STAP1: variants seen among roughly 807,000 people sequenced by gnomAD.
STAP1 encodes the protein signal-transducing adaptor protein 1.
A neutral mutation model predicts 37.8 loss-of-function variants in STAP1; 30 were observed. The observed-to-expected ratio is 0.79, with a 90% CI of 0.59 to 1.08. The LOEUF is 1.08. Among genes scored for constraint, STAP1 ranks in the 50% least tolerant of loss-of-function variants. STAP1 has a pLI of 0.00. For synonymous variants in STAP1, 130 were observed against 116.0 expected (o/e 1.12, Z -0.78); for missense variants, 357 against 349.4 (o/e 1.02, Z -0.17).
chr4:67,588,039 T>TA (rs3032636), intron 6 of STAP1, among the ~76,000 whole-genome samples: 10,150 of 85,434 alleles, frequency 0.12, 1,469 homozygotes, highest in East Asian at 0.41. Context: ...CACATTTTCT[T>TA]AAAAAAAAAA....
intron 1 of STAP1, among the ~76,000 whole-genome samples, chr4:67,559,699 G>A (rs1322624079): frequency 6.6e-6 from 1 of 151,962 alleles, no homozygotes; most frequent in Non-Finnish European, 1.5e-5. Context: ...AAATCATTAA[G>A]TTAGGTCAAA....
chr4:67,602,691 TC>T (rs912757108), intron 8 of STAP1, among the ~76,000 whole-genome samples: 2 of 152,014 alleles, frequency 1.3e-5, no homozygotes, highest in African/African-American at 4.8e-5. Context: ...TCCCTTACTT[TC>T]CCCCCAACAA....
At chr4:67,587,071 T>G (rs1728001294) in intron 6 of STAP1, among the ~76,000 whole-genome samples, 1 of 152,206 alleles carries the variant, frequency 6.6e-6, no homozygotes, top group Admixed American at 6.5e-5. Flanking sequence ...TGTTTCAGAG[T>G]ACCTGAATTT....
chr4:67,571,899 A>G (rs1490974620), intron 2 of STAP1, among the ~76,000 whole-genome samples: 1 of 152,224 alleles, frequency 6.6e-6, no homozygotes, highest in Admixed American at 6.5e-5. Context: ...GTAATGTAGA[A>G]TGTTTTCAAA....
chr4:67,568,686 G>C (rs1239979102), intron 1 of STAP1, among the ~76,000 whole-genome samples: 1 of 151,936 alleles, frequency 6.6e-6, no homozygotes, highest in Non-Finnish European at 1.5e-5. Context: ...CAGCTTTGAT[G>C]GTGTTCAATT....
At position 67,558,731 on chromosome 4, in the gene STAP1, A is replaced by C. The variant is rs1727265738; in HGVS notation, c.-79A>C. 1 of 1,551,970 alleles carries C rather than the reference A, an allele frequency of 6.4e-7. No individual in the cohort carries two copies. The highest frequency in any genetic ancestry group is 1.2e-5 in the South Asian group (1 of 81,796). ...GCAATTTGGGACTTCCTCTTTGAACAGTTGCCTTTTCCTCTCACAGAAGGA... is the reference window on the plus strand; with the variant it reads ...GCAATTTGGGACTTCCTCTTTGAACCGTTGCCTTTTCCTCTCACAGAAGGA... On this transcript the variant is annotated 5_prime_UTR_variant, in exon 1 of 9. Coordinates refer to ENST00000265404, the MANE Select transcript of STAP1 (RefSeq NM_012108.4).
rs1348804829 is a variant in STAP1 at position 67,577,226 on chromosome 4, A to C, written c.330A>C (p.Glu110Asp). ...AGACAGAGAACACAGAAAGTGGGGAAGAATGGAGAGGCTTCATTCTTACAG... is the reference window on the plus strand; with the variant it reads ...AGACAGAGAACACAGAAAGTGGGGACGAATGGAGAGGCTTCATTCTTACAG... ...QLKTENTESG[E>D]EWRGFILTVT... The change falls in exon 4 of 9, where the codon GAA becomes GAC. Residue 110 changes from glutamate (E) to aspartate (D), a missense_variant. Physicochemically the swap from Glu to Asp is conservative, Grantham distance 45. Coordinates refer to ENST00000265404, the MANE Select transcript of STAP1 (RefSeq NM_012108.4). 6.2e-7 allele frequency: 1 copy of C among 1,610,418 alleles called. No individual in the cohort carries two copies. Among genetic ancestry groups the C allele is most frequent in the Non-Finnish European group, 8.5e-7 (1 of 1,178,416 alleles).
intron 1 of STAP1, among the ~76,000 whole-genome samples, 164 bp downstream of exon 1, chr4:67,559,093 C>T (rs760154962): frequency 3.3e-5 from 5 of 152,026 alleles, no homozygotes; most frequent in Non-Finnish European, 7.4e-5. Context: ...AATTTAAATA[C>T]AATGTCTGGC....
intron 6 of STAP1, among the ~76,000 whole-genome samples, chr4:67,588,057 A>T (rs1482330414): frequency 6.7e-6 from 1 of 149,882 alleles, no homozygotes; most frequent in African/African-American, 2.4e-5. Flanking sequence ...AAAAAAAAAA[A>T]AAAAAAAAGA....
At chr4:67,582,601 C>T (rs1727888947) in intron 5 of STAP1, among the ~76,000 whole-genome samples, 1 of 151,406 alleles carries the variant, frequency 6.6e-6, no homozygotes, top group Non-Finnish European at 1.5e-5. Flanking sequence ...AGCCACCATG[C>T]CCAGGCTTCT....
At chr4:67,559,188 C>A (rs900932032) in intron 1 of STAP1, among the ~76,000 whole-genome samples, 3 of 152,170 alleles carry the variant, frequency 2.0e-5, no homozygotes, top group South Asian at 2.1e-4. Flanking sequence ...AGTCAATAAG[C>A]TAAATTTCCA....
intron 2 of STAP1, 97 bp from the exon 3 acceptor site, chr4:67,575,278 AAAGTACTAAT>A (rs1727692102): frequency 1.5e-6 from 1 of 653,326 alleles, no homozygotes; most frequent in African/African-American, 1.9e-5. Flanking sequence ...GATATCATAC[AAAGTACTAAT>A]TAGTTGAAAG....
chr4:67,590,745 A>ATTT (rs66493617), intron 6 of STAP1, 139 bp from the exon 7 acceptor site: 11,616 of 208,022 alleles, frequency 0.056, 517 homozygotes, highest in Admixed American at 0.15. Context: ...ACCACGAAGG[A>ATTT]TTTTTTTTTT....
chr4:67,589,809 A>ATT (rs35601578), intron 6 of STAP1, among the ~76,000 whole-genome samples: 65 of 147,766 alleles, frequency 4.4e-4, no homozygotes, highest in Admixed American at 1.0e-3. Flanking sequence ...GGGGATCCTA[A>ATT]TTTTTTTTTT....
chr4:67,576,195 T>C (rs1382060744), intron 3 of STAP1, among the ~76,000 whole-genome samples: 1 of 152,216 alleles, frequency 6.6e-6, no homozygotes, highest in African/African-American at 2.4e-5. Flanking sequence ...AGCACTTTAT[T>C]ACAGTGGCAA....
rs779392825 is a variant in STAP1 at position 67,575,483 on chromosome 4, G to A, written c.291G>A (p.Glu97=). The change falls in exon 3 of 9, where the codon GAG becomes GAA. Residue 97 remains glutamate (E), a synonymous_variant. Transcript: ENST00000265404. The stretch of plus-strand genomic sequence containing the variant: ...AATTCACCCTTGTTTTGCCGAAAGA[G>A]GAAGTACAACTGAAGGTGAGCGAGG... The part of the protein sequence containing the change: ...CAKFTLVLPK[E]EVQLKTENTE... 1 of 1,610,126 alleles carries A rather than the reference G, an allele frequency of 6.2e-7. No individual in the cohort carries two copies. Among genetic ancestry groups the A allele is most frequent in the Non-Finnish European group, 8.5e-7 (1 of 1,178,446 alleles).
At chr4:67,562,264 T>C (rs1578019410) in intron 1 of STAP1, among the ~76,000 whole-genome samples, 3 of 147,376 alleles carry the variant, frequency 2.0e-5, no homozygotes, top group African/African-American at 5.0e-5. Flanking sequence ...ATCGCTTGAA[T>C]CTGGGAGGCG....
chr4:67,583,217 G>A (rs866410372), intron 5 of STAP1, among the ~76,000 whole-genome samples: 1 of 152,222 alleles, frequency 6.6e-6, no homozygotes, highest in South Asian at 2.1e-4. Flanking sequence ...TCCCCGAAAG[G>A]AGACCCCCAA....
At chr4:67,600,223 A>C (rs1456390015) in intron 8 of STAP1, among the ~76,000 whole-genome samples, 1 of 152,118 alleles carries the variant, frequency 6.6e-6, no homozygotes, top group East Asian at 1.9e-4. Context: ...TGTTTCAAGA[A>C]ATTTTTAAAT....
Sources: allele counts gnomAD v4.1 joint callset (sites outside exome capture counted in the v4.1 genomes callset), GRCh38; gene constraint gnomAD v4.1.1; transcripts MANE v1.5; gene names NCBI Gene and HGNC (gene_info 2026-07-23, HGNC 2026-07-21).